Variants in ITGA9 observed in about 807,000 individuals in gnomAD.
ITGA9 encodes integrin alpha-9.
ITGA9 carries 56 observed loss-of-function variants against 127.8 expected under a neutral mutation model. The observed-to-expected ratio is 0.44, with a 90% CI of 0.35 to 0.55. ITGA9 has a LOEUF of 0.55. ITGA9 is among the 20% of genes least tolerant of loss of function. The probability of loss-of-function intolerance (pLI) is 0.00; values close to 1 mark genes in which losing one functional copy is unlikely to be tolerated. For missense variants in ITGA9, 1,196 were observed against 1,347.1 expected, an observed-to-expected ratio of 0.89 and a Z score of 1.76; for synonymous variants, 508 against 514.5, an observed-to-expected ratio of 0.99 and a Z score of 0.17.
intron 9 of ITGA9, 68 bp downstream of exon 9, chr3:37,513,968 C>T (rs183056511): frequency 3.2e-5 from 51 of 1,594,954 alleles, no homozygotes; most frequent in East Asian, 1.6e-4. Context: ...CAGCAGTGGC[C>T]GAGCACCCCT....
At chr3:37,627,566 CA>C (rs1700188668) in intron 15 of ITGA9, among the ~76,000 whole-genome samples, 1 of 152,234 alleles carries the variant, frequency 6.6e-6, no homozygotes, top group Non-Finnish European at 1.5e-5. Context: ...ACAAACAAAA[CA>C]GAATAAAATC....
intron 15 of ITGA9, among the ~76,000 whole-genome samples, chr3:37,602,675 T>C (rs7628643): frequency 0.036 from 5,552 of 152,296 alleles, 148 homozygotes; most frequent in Non-Finnish European, 0.056. Flanking sequence ...CATCCTGTCA[T>C]TGTAAATAAC....
intron 23 of ITGA9, among the ~76,000 whole-genome samples, chr3:37,760,009 TAGG>T (rs898823037): frequency 2.6e-5 from 4 of 151,088 alleles, no homozygotes; most frequent in Non-Finnish European, 5.9e-5. Context: ...GGTGTGAGGT[TAGG>T]AGTTCAAGAC....
chr3:37,546,333 C>A (rs1417237237), intron 15 of ITGA9, among the ~76,000 whole-genome samples: 4 of 152,178 alleles, frequency 2.6e-5, no homozygotes, highest in Non-Finnish European at 5.9e-5. Flanking sequence ...CTGGAACTTT[C>A]TTCCTGATGC....
rs556442204 is a variant in ITGA9 at position 37,500,322 on chromosome 3, G to A, written c.613-2856G>A. Among the ~76,000 whole-genome samples the A allele has an allele frequency of 3.9e-5, 6 of 152,244 alleles. 1 individual carries two copies. In the South Asian group the frequency reaches 1.2e-3, roughly 32 times the overall value. Reference sequence around the variant, plus strand: ...TTTATAAAACAGTGAGATACCCCTGGGAACATCTGGCTTATCATCAACAGC... The same window carrying A: ...TTTATAAAACAGTGAGATACCCCTGAGAACATCTGGCTTATCATCAACAGC... On this transcript the variant is annotated intron_variant, in intron 5 of 27. Transcript: ENST00000264741.
chr3:37,707,597 C>T (rs1007066820), intron 18 of ITGA9, among the ~76,000 whole-genome samples: 1 of 152,160 alleles, frequency 6.6e-6, no homozygotes, highest in Non-Finnish European at 1.5e-5. Context: ...TGAAATGAGG[C>T]GATGTCAGGA....
chr3:37,535,186 A>C (rs796263993), intron 14 of ITGA9, among the ~76,000 whole-genome samples: 6 of 152,358 alleles, frequency 3.9e-5, no homozygotes, highest in African/African-American at 1.4e-4. Flanking sequence ...TCCTGCCCTC[A>C]TGGAGCTTCT....
chr3:37,686,399 G>A (rs1336512518), intron 18 of ITGA9, among the ~76,000 whole-genome samples: 1 of 152,152 alleles, frequency 6.6e-6, no homozygotes, highest in Non-Finnish European at 1.5e-5. Flanking sequence ...GCTGGGGACA[G>A]CATCATTTTC....
At position 37,803,587 on chromosome 3, in the gene ITGA9, C is replaced by T. The variant is rs372747518; in HGVS notation, c.2890-236C>T. ...ATCACCTGAGGTCAGGAGTTCGAGACCAGCCTAGCCAACATGGTGAAACCC... is the reference window on the plus strand; with the variant it reads ...ATCACCTGAGGTCAGGAGTTCGAGATCAGCCTAGCCAACATGGTGAAACCC... On this transcript the variant is annotated intron_variant, in intron 26 of 27. Transcript: ENST00000264741. Among the ~76,000 whole-genome samples, 6 of 152,210 alleles carry T rather than the reference C, an allele frequency of 3.9e-5. No individual in the cohort carries two copies. In the East Asian group the frequency reaches 5.8e-4, roughly 15 times the overall value.
chr3:37,560,647 A>G (rs1699478246), intron 15 of ITGA9, among the ~76,000 whole-genome samples: 1 of 152,144 alleles, frequency 6.6e-6, no homozygotes, highest in South Asian at 2.1e-4. Context: ...CACCATTCTA[A>G]CTGGCATGAG....
chr3:37,627,410 G>T (rs1159006295), intron 15 of ITGA9, among the ~76,000 whole-genome samples: 4 of 152,032 alleles, frequency 2.6e-5, no homozygotes, highest in African/African-American at 9.7e-5. Flanking sequence ...TTTCCAGTCT[G>T]CCCTCCAGTG....
intron 17 of ITGA9, among the ~76,000 whole-genome samples, chr3:37,659,671 CT>C (rs1355397815): frequency 1.3e-5 from 2 of 152,044 alleles, no homozygotes; most frequent in Non-Finnish European, 2.9e-5. Flanking sequence ...CCTTCTGAAG[CT>C]TACTTCTGTC....
chr3:37,684,967 C>G (rs1468970260), intron 18 of ITGA9, among the ~76,000 whole-genome samples: 2 of 152,176 alleles, frequency 1.3e-5, no homozygotes, highest in African/African-American at 4.8e-5. Context: ...CTGCAGACAA[C>G]AAGGGGGAAC....
chr3:37,777,560 A>G, intron 24 of ITGA9, 43 bp downstream of exon 24: 1 of 1,603,600 alleles, frequency 6.2e-7, no homozygotes, highest in Non-Finnish European at 8.5e-7. Flanking sequence ...GGTGGTCCTC[A>G]CTCGGAAGAC....
At chr3:37,599,229 G>A (rs563830724) in intron 15 of ITGA9, among the ~76,000 whole-genome samples, 1 of 152,340 alleles carries the variant, frequency 6.6e-6, no homozygotes, top group South Asian at 2.1e-4. Context: ...TTGTGTATAA[G>A]TCTCTGGGTT....
intron 16 of ITGA9, among the ~76,000 whole-genome samples, chr3:37,649,278 C>T (rs2125645379): frequency 6.6e-6 from 1 of 152,026 alleles, no homozygotes; most frequent in African/African-American, 2.4e-5. Flanking sequence ...AAAGATACAG[C>T]ATGACTGAAT....
At chr3:37,477,186 T>C (rs903177127) in intron 3 of ITGA9, among the ~76,000 whole-genome samples, 3 of 152,184 alleles carry the variant, frequency 2.0e-5, no homozygotes, top group Non-Finnish European at 2.9e-5. Flanking sequence ...GAAGGATATG[T>C]GTTGTTCAGG....
intron 15 of ITGA9, among the ~76,000 whole-genome samples, chr3:37,598,475 A>G (rs560906316): frequency 2.0e-5 from 3 of 152,310 alleles, no homozygotes; most frequent in East Asian, 1.9e-4. Context: ...TTTGGCACCT[A>G]TGATGTGCAA....
chr3:37,678,728 T>C (rs1700706541), intron 17 of ITGA9, among the ~76,000 whole-genome samples: 1 of 152,180 alleles, frequency 6.6e-6, no homozygotes, highest in South Asian at 2.1e-4. Flanking sequence ...ATCCAAAAAA[T>C]TATCTGGATA....
Sources: gnomAD v4.1 joint callset for allele counts (sites outside exome capture counted in the v4.1 genomes callset) on GRCh38, gnomAD v4.1.1 for gene constraint, MANE v1.5 for transcripts, NCBI Gene and HGNC (gene_info 2026-07-23, HGNC 2026-07-21) for gene names.